Variants in NIPBL observed in about 807,000 individuals in gnomAD.
The protein encoded by NIPBL is nipped-B-like protein.
In NIPBL, 19 loss-of-function variants were observed where a neutral mutation model predicts 321.8. The ratio of observed to expected loss-of-function variants is 0.06; its 90% CI spans 0.04 to 0.09. The LOEUF (loss-of-function observed/expected upper bound fraction) is 0.09, where lower values mean the gene tolerates loss of function less well. Ranked by LOEUF, NIPBL falls within the 10% of genes least tolerant of loss-of-function variation. The pLI, the probability that NIPBL is intolerant of heterozygous loss-of-function variation, is 1.00. For synonymous variants in NIPBL, 1,106 were observed against 1,114.1 expected (o/e 0.99, Z 0.14); for missense variants, 2,210 against 3,327.0 (o/e 0.66, Z 8.26).
At chr5:36,967,492 A>G in intron 6 of NIPBL, among the ~76,000 whole-genome samples, 1 of 152,178 alleles carries the variant, frequency 6.6e-6, no homozygotes, top group Non-Finnish European at 1.5e-5. Context: ...CCATTCCAGA[A>G]AAAAGAAAAA....
At chr5:37,049,465 A>C (rs1043135861) in intron 40 of NIPBL, among the ~76,000 whole-genome samples, 164 bp downstream of exon 40, 3 of 152,234 alleles carry the variant, frequency 2.0e-5, no homozygotes, top group African/African-American at 7.2e-5. Context: ...GGTTATGATT[A>C]CTGCAAAATA....
At chr5:37,044,859 C>T (rs1305278765) in intron 36 of NIPBL, 130 bp downstream of exon 36, 1 of 694,460 alleles carries the variant, frequency 1.4e-6, no homozygotes, top group Admixed American at 2.4e-5. Flanking sequence ...GTGGTCCTCT[C>T]AGAAACAATA....
Position 36,985,367 on chromosome 5 carries a change from T to A in NIPBL, c.2187T>A (p.Gly729=), listed in dbSNP as rs756935314. The A allele has an allele frequency of 1.1e-5, 17 of 1,612,560 alleles. No homozygotes were observed. The African/African-American group carries it at 2.1e-4, about 20-fold the overall frequency. ...DGHPETPKQK[G]DGRPETPKQK... ...ATCCTGAAACCCCAAAACAGAAGGGTGATGGAAGGCCTGAAACTCCAAAGC... is the reference window on the plus strand; with the variant it reads ...ATCCTGAAACCCCAAAACAGAAGGGAGATGGAAGGCCTGAAACTCCAAAGC... Residue 729 remains glycine, a synonymous_variant, in exon 10 of 47, where the codon GGT becomes GGA. Transcript: ENST00000282516.
intron 7 of NIPBL, 148 bp downstream of exon 7, chr5:36,971,184 T>C (rs1313181622): frequency 9.8e-6 from 7 of 717,194 alleles, no homozygotes; most frequent in African/African-American, 1.7e-5. Flanking sequence ...ATACAGAGCT[T>C]AGTCTAGAGC....
chr5:36,920,215 A>G (rs1460951515), intron 1 of NIPBL, among the ~76,000 whole-genome samples: 1 of 152,226 alleles, frequency 6.6e-6, no homozygotes, highest in African/African-American at 2.4e-5. Context: ...GCATAAATTG[A>G]TGATGACAGA....
chr5:37,057,147 T>C, intron 42 of NIPBL, 39 bp from the exon 43 acceptor site: 1 of 1,609,076 alleles, frequency 6.2e-7, no homozygotes, highest in Non-Finnish European at 8.5e-7. Context: ...GTTTCTAGAT[T>C]ATCCGCTAAA....
At chr5:36,989,313 C>G (rs138965128) in intron 10 of NIPBL, among the ~76,000 whole-genome samples, 3 of 152,158 alleles carry the variant, frequency 2.0e-5, no homozygotes, top group African/African-American at 2.4e-5. Context: ...TAATATTATT[C>G]CCATTCTTAT....
chr5:37,058,799 A>T, intron 43 of NIPBL, 92 bp from the exon 44 acceptor site: 2 of 1,122,774 alleles, frequency 1.8e-6, no homozygotes, highest in Non-Finnish European at 2.6e-6. Context: ...ATATTAGTTT[A>T]AGGAAGCTTT....
intron 32 of NIPBL, among the ~76,000 whole-genome samples, chr5:37,030,638 A>G (rs1192576052): frequency 6.6e-6 from 1 of 151,964 alleles, no homozygotes; most frequent in Non-Finnish European, 1.5e-5. Flanking sequence ...TTTTTTGTAG[A>G]TCATTGACTC....
intron 16 of NIPBL, among the ~76,000 whole-genome samples, chr5:37,004,909 A>G (rs923799007): frequency 6.6e-6 from 1 of 152,140 alleles, no homozygotes; most frequent in African/African-American, 2.4e-5. Flanking sequence ...TTATCTTATG[A>G]GGGAAATGCT....
chr5:36,905,783 A>C (rs1217773825), intron 1 of NIPBL, among the ~76,000 whole-genome samples: 1 of 151,708 alleles, frequency 6.6e-6, no homozygotes, highest in Non-Finnish European at 1.5e-5. Flanking sequence ...TCACTCTGTC[A>C]CCCAGGCTGG....
intron 1 of NIPBL, among the ~76,000 whole-genome samples, chr5:36,906,838 A>G (rs1747677594): frequency 6.6e-6 from 1 of 152,184 alleles, no homozygotes; most frequent in Admixed American, 6.5e-5. Flanking sequence ...ATGTTCCTCA[A>G]GGGGAATTAT....
rs139560101 is a variant in NIPBL at position 37,027,807 on chromosome 5, C to T, written c.5862+395C>T. Among the ~76,000 whole-genome samples the T allele has an allele frequency of 1.7e-3, 259 of 151,590 alleles. 3 individuals carry two copies. Among genetic ancestry groups the T allele is most frequent in the African/African-American group, 5.7e-3 (234 of 41,332 alleles). ...CTAATTTTTGTATTTTTGGTAGAGA[C>T]GGGGTTTTACTATGTTGGCCAGGCT... is the stretch of plus-strand genomic sequence containing the variant. On this transcript the variant is annotated intron_variant, in intron 32 of 46. Transcript: ENST00000282516.
chr5:36,924,180 A>G (rs562171031), intron 1 of NIPBL, among the ~76,000 whole-genome samples: 31 of 152,292 alleles, frequency 2.0e-4, no homozygotes, highest in African/African-American at 7.2e-4. Flanking sequence ...ACTAATATCC[A>G]AATTTTTGAT....
rs373206831 is a variant in NIPBL, at chr5:37,006,542, A to G, written c.4041A>G (p.Thr1347=). 5.0e-6 allele frequency: 8 copies of G among 1,610,380 alleles called. No homozygotes were observed. The East Asian group carries it at 1.3e-4, about 27-fold the overall frequency. ...ACACTAAATTTCATTTGCAGAATAC[A>G]CTTTATCCTCAGTATGATCCTGTTT... is the stretch of plus-strand genomic sequence containing the variant. ...IQYTKFHLQN[T]LYPQYDPVYR... is the part of the protein sequence containing the mutation. Residue 1347 remains threonine (T), a synonymous_variant, in exon 17 of 47, where the codon ACA becomes ACG. Coordinates refer to ENST00000282516, the MANE Select transcript of NIPBL (RefSeq NM_133433.4).
intron 1 of NIPBL, among the ~76,000 whole-genome samples, chr5:36,928,626 G>C (rs1280224209): frequency 6.6e-6 from 1 of 152,092 alleles, no homozygotes; most frequent in African/African-American, 2.4e-5. Flanking sequence ...TCTAGTTTTA[G>C]AACCTTTTCA....
At chr5:36,925,057 A>G (rs541626490) in intron 1 of NIPBL, among the ~76,000 whole-genome samples, 2 of 152,348 alleles carry the variant, frequency 1.3e-5, no homozygotes, top group East Asian at 1.9e-4. Context: ...TTTCATAAGT[A>G]TGAAGTAGGG....
intron 1 of NIPBL, among the ~76,000 whole-genome samples, chr5:36,892,808 G>C (rs778669860): frequency 1.2e-4 from 18 of 152,028 alleles, no homozygotes; most frequent in Non-Finnish European, 2.6e-4. Flanking sequence ...GGAGTGGGGA[G>C]GGATAGCATT....
intron 1 of NIPBL, among the ~76,000 whole-genome samples, chr5:36,903,036 A>G (rs1747354380): frequency 6.6e-6 from 1 of 151,992 alleles, no homozygotes; most frequent in South Asian, 2.1e-4. Context: ...GCTATTGTAA[A>G]TGGGATTACA....
Sources: gnomAD v4.1 joint callset for allele counts (sites outside exome capture counted in the v4.1 genomes callset) on GRCh38, gnomAD v4.1.1 for gene constraint, MANE v1.5 for transcripts, NCBI Gene and HGNC (gene_info 2026-07-23, HGNC 2026-07-21) for gene names.